STOX2: variants seen among roughly 807,000 people sequenced by gnomAD.
STOX2 encodes storkhead-box protein 2.
Under a neutral mutation model 60.9 loss-of-function variants are expected in STOX2, and 28 were observed. The observed-to-expected ratio is 0.46, with a 90% CI of 0.34 to 0.63. The LOEUF (loss-of-function observed/expected upper bound fraction) is 0.63, where lower values mean the gene tolerates loss of function less well. Ranked by LOEUF, STOX2 falls within the 30% of genes least tolerant of loss-of-function variation. The pLI is 0.01. For missense variants in STOX2, 1,024 were observed against 1,187.7 expected, an observed-to-expected ratio of 0.86 and a Z score of 2.03; for synonymous variants, 472 against 463.9, an observed-to-expected ratio of 1.02 and a Z score of -0.22.
chr4:183,978,715 A>G (rs989349298), intron 1 of STOX2, among the ~76,000 whole-genome samples: 4 of 152,242 alleles, frequency 2.6e-5, no homozygotes, highest in African/African-American at 9.6e-5. Flanking sequence ...AAAAAGTTAC[A>G]TGCTATATGA....
intron 1 of STOX2, among the ~76,000 whole-genome samples, chr4:183,989,031 G>A (rs558345465): frequency 1.3e-5 from 2 of 152,242 alleles, no homozygotes; most frequent in South Asian, 4.2e-4. Context: ...AGCTGCTCAC[G>A]GGGACCGAGA....
intron 1 of STOX2, among the ~76,000 whole-genome samples, chr4:183,831,738 C>T (rs955227925): frequency 3.9e-5 from 6 of 151,914 alleles, no homozygotes; most frequent in South Asian, 2.1e-4. Flanking sequence ...TTGTACCCCA[C>T]GGATATAGAC....
At chr4:183,857,197 T>C (rs1740307928) in intron 1 of STOX2, among the ~76,000 whole-genome samples, 1 of 150,662 alleles carries the variant, frequency 6.6e-6, no homozygotes, top group Non-Finnish European at 1.5e-5. Flanking sequence ...CTGGTCATCC[T>C]GCAGGTCTCA....
At chr4:183,857,321 T>G (rs62340392) in intron 1 of STOX2, among the ~76,000 whole-genome samples, 4,276 of 70,814 alleles carry the variant, frequency 0.06, 67 homozygotes, top group Middle Eastern at 0.098. Flanking sequence ...TATCCTGCAG[T>G]ACTGGTTATC....
At chr4:183,861,107 C>T (rs1740430062) in intron 1 of STOX2, among the ~76,000 whole-genome samples, 1 of 152,224 alleles carries the variant, frequency 6.6e-6, no homozygotes, top group Admixed American at 6.5e-5. Flanking sequence ...TTTCTCCCCA[C>T]TACTTCTTTC....
chr4:183,981,915 G>A (rs887920526), intron 1 of STOX2, among the ~76,000 whole-genome samples: 20 of 152,176 alleles, frequency 1.3e-4, no homozygotes, highest in Non-Finnish European at 2.9e-5. Flanking sequence ...CCCAGCCTGG[G>A]CAACAGAGTG....
chr4:183,820,112 A>T (rs779599245), intron 1 of STOX2, among the ~76,000 whole-genome samples: 2 of 152,090 alleles, frequency 1.3e-5, no homozygotes, highest in Non-Finnish European at 2.9e-5. Context: ...TTTTTAAGAG[A>T]TGGGGTTTCA....
At chr4:183,812,911 A>C (rs533064029) in intron 1 of STOX2, among the ~76,000 whole-genome samples, 1 of 152,224 alleles carries the variant, frequency 6.6e-6, no homozygotes, top group Non-Finnish European at 1.5e-5. Flanking sequence ...AAGCATTTCA[A>C]TGAAGATATT....
At position 184,023,494 on chromosome 4, in the gene STOX2, A is replaced by G. The variant is rs1228682011; in HGVS notation, c.*6210A>G. 1 of 152,142 alleles carries G rather than the reference A, an allele frequency of 6.6e-6. No individual in the cohort carries two copies. 9.4% of individuals were successfully genotyped at this position (152,142 alleles called of 1,614,324 possible). On this transcript the variant is annotated 3_prime_UTR_variant, in exon 4 of 4. Transcript: ENST00000308497. ...TGAAATATCCATTTTGGATTGTGTTACTTTTTAAGATATTAAATAACATTT... is the reference window on the plus strand; with the variant it reads ...TGAAATATCCATTTTGGATTGTGTTGCTTTTTAAGATATTAAATAACATTT...
At chr4:183,874,952 A>AATAT (rs759209967) in intron 1 of STOX2, among the ~76,000 whole-genome samples, 113 of 44,590 alleles carry the variant, frequency 2.5e-3, no homozygotes, top group African/African-American at 6.6e-3. Flanking sequence ...AAAAAAAAAA[A>AATAT]ATATATATAT....
At chr4:183,951,147 G>A (rs1297961702) in intron 1 of STOX2, among the ~76,000 whole-genome samples, 15 of 151,362 alleles carry the variant, frequency 9.9e-5, no homozygotes, top group African/African-American at 2.4e-4. Context: ...CCCGGGAGGT[G>A]GAGCTTGCAG....
At chr4:183,949,857 C>T (rs1743016480) in intron 1 of STOX2, among the ~76,000 whole-genome samples, 1 of 152,148 alleles carries the variant, frequency 6.6e-6, no homozygotes, top group African/African-American at 2.4e-5. Flanking sequence ...TCATGCTTCC[C>T]ATTTTTCTGC....
chr4:183,951,645 A>C (rs1743098199), intron 1 of STOX2, among the ~76,000 whole-genome samples: 1 of 151,694 alleles, frequency 6.6e-6, no homozygotes, highest in African/African-American at 2.4e-5. Flanking sequence ...CAGTTTTCTA[A>C]AAGTAGGTGA....
chr4:183,977,118 T>G (rs1269618795), intron 1 of STOX2, among the ~76,000 whole-genome samples: 1 of 152,168 alleles, frequency 6.6e-6, no homozygotes, highest in Non-Finnish European at 1.5e-5. Flanking sequence ...GTCTGGGCTT[T>G]TAGTGTAACT....
intron 1 of STOX2, among the ~76,000 whole-genome samples, chr4:183,881,474 C>T (rs1740958146): frequency 6.6e-6 from 1 of 152,070 alleles, no homozygotes; most frequent in Non-Finnish European, 1.5e-5. Flanking sequence ...TGCACTTCAG[C>T]CTGGCGACAA....
chr4:183,802,771 GCCAACAC>G, intron 1 of STOX2, among the ~76,000 whole-genome samples: 1 of 152,088 alleles, frequency 6.6e-6, no homozygotes, highest in Admixed American at 6.5e-5. Context: ...ACAGGCGCCT[GCCAACAC>G]ACCTGGCTGA....
At chr4:183,991,173 A>G (rs377036370) in intron 1 of STOX2, among the ~76,000 whole-genome samples, 1 of 152,040 alleles carries the variant, frequency 6.6e-6, no homozygotes, top group African/African-American at 2.4e-5. Context: ...TTCTCTCCAA[A>G]GTCCCTAGTG....
chr4:183,985,521 T>C (rs7685679), intron 1 of STOX2, among the ~76,000 whole-genome samples: 99,185 of 152,056 alleles, frequency 0.65, 32,730 homozygotes, highest in Middle Eastern at 0.73. Context: ...TACTTAACTT[T>C]CAGAGTCCTT....
intron 1 of STOX2, among the ~76,000 whole-genome samples, chr4:183,938,605 G>A (rs1171085786): frequency 1.4e-5 from 2 of 147,230 alleles, no homozygotes; most frequent in South Asian, 2.1e-4. Context: ...GGAGGCGGAG[G>A]CTGCAGTGAG....
Sources: gnomAD v4.1 joint callset for allele counts (sites outside exome capture counted in the v4.1 genomes callset) on GRCh38, gnomAD v4.1.1 for gene constraint, MANE v1.5 for transcripts, NCBI Gene and HGNC (gene_info 2026-07-23, HGNC 2026-07-21) for gene names.